Variants in PREX1 observed in about 807,000 individuals in gnomAD.
PREX1 encodes the protein phosphatidylinositol-3,4,5-trisphosphate dependent Rac exchange factor 1, also known as phosphatidylinositol 3,4,5-trisphosphate-dependent Rac exchanger 1 protein.
A neutral mutation model predicts 198.3 loss-of-function variants in PREX1; 41 were observed. The ratio of observed to expected loss-of-function variants is 0.21; its 90% CI spans 0.16 to 0.27. The LOEUF (loss-of-function observed/expected upper bound fraction) is 0.27, where lower values mean the gene tolerates loss of function less well. Among genes scored for constraint, PREX1 ranks in the 10% least tolerant of loss-of-function variants. The pLI, the probability that PREX1 is intolerant of heterozygous loss-of-function variation, is 1.00. For synonymous variants in PREX1, 843 were observed against 887.2 expected (o/e 0.95, Z 0.89); for missense variants, 1,620 against 2,200.7 (o/e 0.74, Z 5.28).
chr20:48,694,434 A>G (rs2089835162), intron 7 of PREX1, among the ~76,000 whole-genome samples: 1 of 152,192 alleles, frequency 6.6e-6, no homozygotes, highest in South Asian at 2.1e-4. Context: ...CTGCTGAACA[A>G]AACATCTCTG....
chr20:48,781,914 A>C (rs1160262074), intron 1 of PREX1, among the ~76,000 whole-genome samples: 2 of 152,226 alleles, frequency 1.3e-5, no homozygotes, highest in Non-Finnish European at 2.9e-5. Context: ...GACACATTCA[A>C]ACCACAGCAA....
chr20:48,665,123 ACCCCAGACGGCCTGAATTCTAATCCCGG>A (rs1568812511), intron 15 of PREX1, among the ~76,000 whole-genome samples: 18 of 85,472 alleles, frequency 2.1e-4, no homozygotes, highest in South Asian at 4.4e-4. Context: ...TTCTAATCCC[ACCCCAGACGGCCTGAATTCTAATCCCGG>A]CCCCAGACGG....
At chr20:48,791,947 G>A (rs1439693030) in intron 1 of PREX1, among the ~76,000 whole-genome samples, 1 of 152,216 alleles carries the variant, frequency 6.6e-6, no homozygotes, top group Non-Finnish European at 1.5e-5. Context: ...GGGGACTGCT[G>A]CCTGGGGCTG....
At chr20:48,674,123 T>C (rs1441052304) in intron 14 of PREX1, among the ~76,000 whole-genome samples, 5 of 152,202 alleles carry the variant, frequency 3.3e-5, no homozygotes, top group Non-Finnish European at 7.3e-5. Context: ...AGCTCTGCCC[T>C]TCACAGACAT....
chr20:48,628,816 A>G (rs1206678986), intron 37 of PREX1, among the ~76,000 whole-genome samples: 3 of 152,206 alleles, frequency 2.0e-5, no homozygotes, highest in Non-Finnish European at 4.4e-5. Flanking sequence ...ATGTTTCTTG[A>G]GCACCTGTCT....
chr20:48,645,633 CAACCCT>C (rs1420699830), intron 26 of PREX1, among the ~76,000 whole-genome samples: 2 of 152,192 alleles, frequency 1.3e-5, no homozygotes, highest in Non-Finnish European at 2.9e-5. Context: ...CACGTGGGGA[CAACCCT>C]AAAATGTCAG....
intron 4 of PREX1, among the ~76,000 whole-genome samples, chr20:48,729,674 T>C (rs1362948730): frequency 2.0e-5 from 3 of 152,214 alleles, no homozygotes; most frequent in Non-Finnish European, 4.4e-5. Context: ...AGGCAAATTG[T>C]GTCAGCTCAG....
At chr20:48,887,890 C>T in the PREX1 span, among the ~76,000 whole-genome samples, 2 of 151,772 alleles carry the variant, frequency 1.3e-5, no homozygotes, top group South Asian at 4.2e-4. Context: ...GCGGAGCTTG[C>T]AGTGAGCCGA....
chr20:48,689,621 A>C (rs2089806357), intron 9 of PREX1, among the ~76,000 whole-genome samples: 1 of 152,150 alleles, frequency 6.6e-6, no homozygotes, highest in Non-Finnish European at 1.5e-5. Flanking sequence ...AAAGATACTG[A>C]TCGGCCTCAC....
At chr20:48,779,259 C>T (rs972578167) in intron 1 of PREX1, among the ~76,000 whole-genome samples, 1 of 152,136 alleles carries the variant, frequency 6.6e-6, no homozygotes, top group Non-Finnish European at 1.5e-5. Flanking sequence ...GCATCATTAG[C>T]GATTAGGAGA....
chr20:48,640,934 A>C (rs187972250), intron 29 of PREX1, among the ~76,000 whole-genome samples: 1 of 151,214 alleles, frequency 6.6e-6, no homozygotes, highest in African/African-American at 2.4e-5. Context: ...AGTTGGGTGG[A>C]GGGGTGGATG....
chr20:48,639,264 C>T (rs1238241005), intron 30 of PREX1, among the ~76,000 whole-genome samples: 2 of 152,202 alleles, frequency 1.3e-5, no homozygotes, highest in African/African-American at 2.4e-5. Flanking sequence ...ACCAGATCTT[C>T]GTGTTGTTCA....
At chr20:48,823,032 T>C (rs1301922874) in intron 1 of PREX1, among the ~76,000 whole-genome samples, 2 of 152,166 alleles carry the variant, frequency 1.3e-5, no homozygotes, top group Admixed American at 1.3e-4. Context: ...AGTTTCTTGT[T>C]TGGCAAGCGG....
intron 1 of PREX1, among the ~76,000 whole-genome samples, chr20:48,764,178 G>A (rs979373120): frequency 6.6e-6 from 1 of 152,142 alleles, no homozygotes; most frequent in Non-Finnish European, 1.5e-5. Context: ...AGAAACTTCT[G>A]TCCCTGGAGC....
At chr20:48,647,096 G>A (rs924742816) in intron 25 of PREX1, among the ~76,000 whole-genome samples, 3 of 152,158 alleles carry the variant, frequency 2.0e-5, no homozygotes, top group African/African-American at 7.2e-5. Context: ...CAGGCATGGC[G>A]GCATGTGCCT....
At chr20:48,797,133 T>A (rs377692494) in intron 1 of PREX1, among the ~76,000 whole-genome samples, 3 of 152,150 alleles carry the variant, frequency 2.0e-5, no homozygotes, top group African/African-American at 7.2e-5. Flanking sequence ...CTGATCACGG[T>A]GGAAAGCATT....
the PREX1 span, among the ~76,000 whole-genome samples, chr20:48,870,003 C>T: frequency 1.3e-5 from 2 of 152,052 alleles, no homozygotes; most frequent in Non-Finnish European, 2.9e-5. Flanking sequence ...CAGAACTTAA[C>T]GTAAAATTAA....
intron 1 of PREX1, among the ~76,000 whole-genome samples, chr20:48,757,357 G>T (rs550997479): frequency 1.3e-5 from 2 of 152,194 alleles, no homozygotes; most frequent in Admixed American, 6.5e-5. Flanking sequence ...ACCTAGAACC[G>T]TGCTGGACTG....
intron 10 of PREX1, among the ~76,000 whole-genome samples, chr20:48,687,310 G>A (rs140162996): frequency 8.3e-4 from 127 of 152,298 alleles, no homozygotes; most frequent in East Asian, 3.7e-3. Flanking sequence ...GGCTTCCCAC[G>A]GCCCCCTGCA....
Sources: gnomAD v4.1 joint callset for allele counts (sites outside exome capture counted in the v4.1 genomes callset) on GRCh38, gnomAD v4.1.1 for gene constraint, MANE v1.5 for transcripts, NCBI Gene and HGNC (gene_info 2026-07-23, HGNC 2026-07-21) for gene names.